Variants in NRXN3 observed in about 807,000 individuals in gnomAD.
NRXN3 encodes neurexin 3, also known as neurexin III.
In NRXN3, 32 loss-of-function variants were observed where a neutral mutation model predicts 137.6. That is an observed-to-expected ratio of 0.23 (90% CI 0.18 to 0.31). The LOEUF is 0.31. NRXN3 is among the 10% of genes least tolerant of loss of function. The pLI is 1.00. For missense variants in NRXN3, 1,574 were observed against 2,062.5 expected (o/e 0.76, Z 4.59); for synonymous variants, 798 against 784.5 (o/e 1.02, Z -0.29).
intron 15 of NRXN3, among the ~76,000 whole-genome samples, chr14:79,365,696 G>A (rs1271720656): frequency 2.4e-5 from 3 of 127,622 alleles, no homozygotes; most frequent in South Asian, 2.7e-4. Flanking sequence ...TCCGCAGTCC[G>A]GCCTGGGCGA....
intron 4 of NRXN3, among the ~76,000 whole-genome samples, chr14:78,511,270 C>T (rs1170933678): frequency 6.6e-6 from 1 of 152,194 alleles, no homozygotes; most frequent in African/African-American, 2.4e-5. Flanking sequence ...ATGCTCATAA[C>T]CTTTGTGTCA....
At chr14:78,886,517 T>C (rs1232808766) in intron 10 of NRXN3, among the ~76,000 whole-genome samples, 1 of 152,032 alleles carries the variant, frequency 6.6e-6, no homozygotes, top group African/African-American at 2.4e-5. Flanking sequence ...TTTTTTCTGA[T>C]CCCAAACACT....
At chr14:78,748,349 A>G (rs1288348941) in intron 8 of NRXN3, among the ~76,000 whole-genome samples, 2 of 36,652 alleles carry the variant, frequency 5.5e-5, no homozygotes, top group Non-Finnish European at 1.0e-4. Context: ...CAAGATCCTA[A>G]AGCATAATAT....
At chr14:79,347,524 C>T (rs560247316) in intron 15 of NRXN3, among the ~76,000 whole-genome samples, 36 of 120,008 alleles carry the variant, frequency 3.0e-4, no homozygotes, top group Admixed American at 1.2e-3. Context: ...TGGGTTCAAG[C>T]GATTCTCCTG....
chr14:79,339,404 T>G (rs1297517834), intron 15 of NRXN3, among the ~76,000 whole-genome samples: 1 of 152,164 alleles, frequency 6.6e-6, no homozygotes, highest in Non-Finnish European at 1.5e-5. Flanking sequence ...CCAAAGTAGG[T>G]GTCAGGTGGA....
At chr14:78,374,379 G>A (rs1402315128) in intron 4 of NRXN3, among the ~76,000 whole-genome samples, 1 of 152,212 alleles carries the variant, frequency 6.6e-6, no homozygotes, top group Non-Finnish European at 1.5e-5. Context: ...AGCATATTAA[G>A]TTATACCTGG....
rs991046883 is a variant in NRXN3, at chr14:79,166,513, A to G, written c.3262+178372A>G. On this transcript the variant is annotated intron_variant, in intron 15 of 20. Coordinates refer to ENST00000335750, the MANE Select transcript of NRXN3 (RefSeq NM_001330195.2). ...AAATTCAAGTAGAATCTCATCTAGT[A>G]TGTGTTGAAAATGCTCATTTTTTGT... Among the ~76,000 whole-genome samples the G allele has an allele frequency of 5.3e-5, 8 of 150,374 alleles. No individual in the cohort carries two copies. The Admixed American group carries it at 5.4e-4, about 10-fold the overall frequency.
intron 15 of NRXN3, among the ~76,000 whole-genome samples, chr14:79,010,563 C>T (rs2099569262): frequency 6.6e-6 from 1 of 152,108 alleles, no homozygotes; most frequent in African/African-American, 2.4e-5. Context: ...TAGTGGAATT[C>T]TATTTCATGG....
intron 20 of NRXN3, among the ~76,000 whole-genome samples, chr14:79,843,013 C>G (rs1424232457): frequency 6.6e-6 from 1 of 152,132 alleles, no homozygotes. Flanking sequence ...GCTTATTTCT[C>G]TTAGCATAAA....
At chr14:78,891,931 A>G (rs1405174462) in intron 10 of NRXN3, among the ~76,000 whole-genome samples, 2 of 151,988 alleles carry the variant, frequency 1.3e-5, no homozygotes, top group East Asian at 3.9e-4. Flanking sequence ...CTTGGGCTGA[A>G]GAGTTATGGA....
intron 4 of NRXN3, among the ~76,000 whole-genome samples, chr14:78,318,337 A>C (rs137883962): frequency 6.9e-4 from 105 of 152,282 alleles, no homozygotes; most frequent in African/African-American, 2.4e-3. Context: ...CAACTTTCTT[A>C]AGTGGAAACT....
intron 15 of NRXN3, among the ~76,000 whole-genome samples, chr14:79,333,238 T>C (rs1413625745): frequency 6.6e-6 from 1 of 152,110 alleles, no homozygotes; most frequent in East Asian, 1.9e-4. Context: ...GAGACTCTAA[T>C]AAGAAAAGAG....
intron 4 of NRXN3, among the ~76,000 whole-genome samples, chr14:78,442,249 A>G (rs1305324581): frequency 6.7e-6 from 1 of 150,354 alleles, no homozygotes; most frequent in African/African-American, 2.5e-5. Flanking sequence ...CCTGGGCAAC[A>G]GAGGGAGACC....
intron 4 of NRXN3, among the ~76,000 whole-genome samples, chr14:78,334,406 G>T (rs982150943): frequency 6.6e-6 from 1 of 152,104 alleles, no homozygotes; most frequent in African/African-American, 2.4e-5. Context: ...TCTAGCCATA[G>T]GTCCCTTCCA....
At chr14:79,215,656 T>C (rs1002947241) in intron 15 of NRXN3, among the ~76,000 whole-genome samples, 1 of 152,108 alleles carries the variant, frequency 6.6e-6, no homozygotes, top group Non-Finnish European at 1.5e-5. Flanking sequence ...TGGGGGAAAC[T>C]GCCCCCATTA....
At chr14:78,888,840 C>T (rs1034535247) in intron 10 of NRXN3, among the ~76,000 whole-genome samples, 1 of 128,116 alleles carries the variant, frequency 7.8e-6, no homozygotes, top group Non-Finnish European at 1.5e-5. Context: ...GGAGAGTAAT[C>T]ACACACATAC....
At chr14:79,112,284 T>C (rs1475298028) in intron 15 of NRXN3, among the ~76,000 whole-genome samples, 1 of 152,220 alleles carries the variant, frequency 6.6e-6, no homozygotes, top group Admixed American at 6.5e-5. Context: ...TCTTTTCTTT[T>C]ATCTTACTCG....
chr14:79,393,172 G>C (rs554579815), intron 15 of NRXN3, among the ~76,000 whole-genome samples: 3 of 152,054 alleles, frequency 2.0e-5, no homozygotes, highest in African/African-American at 7.2e-5. Context: ...TGAAGTCTTT[G>C]CTCACAGAAG....
chr14:78,617,128 A>G (rs2097354765), intron 4 of NRXN3, among the ~76,000 whole-genome samples: 1 of 152,196 alleles, frequency 6.6e-6, no homozygotes, highest in South Asian at 2.1e-4. Flanking sequence ...ATATGTATAT[A>G]TATTTTTTTT....
Sources: gnomAD v4.1 joint callset for allele counts (sites outside exome capture counted in the v4.1 genomes callset) on GRCh38, gnomAD v4.1.1 for gene constraint, MANE v1.5 for transcripts, NCBI Gene and HGNC (gene_info 2026-07-23, HGNC 2026-07-21) for gene names.